Variants in FAM228A observed in about 807,000 individuals in gnomAD.
The protein encoded by FAM228A is protein FAM228A.
In FAM228A, 13 loss-of-function variants were observed where a neutral mutation model predicts 18.6. That is an observed-to-expected ratio of 0.70 (90% CI 0.45 to 1.11). The LOEUF (loss-of-function observed/expected upper bound fraction) is 1.11. Ranked by LOEUF, FAM228A falls within the 50% of genes least tolerant of loss-of-function variation. FAM228A has a pLI of 0.00. For synonymous variants in FAM228A, 77 were observed against 86.6 expected (o/e 0.89, Z 0.61); for missense variants, 240 against 242.2 (o/e 0.99, Z 0.06).
At position 24,190,408 on chromosome 2, in the gene FAM228A, A is replaced by C; in HGVS notation, c.402-4A>C. ...GAGACAATTTTTTCTGCTTTTCTTC[A>C]CAGTCCTGAAAAGCTCATCTATGCA... On this transcript the variant is annotated splice_region_variant and splice_polypyrimidine_tract_variant and intron_variant, in intron 5 of 5. Transcript: ENST00000295150. 1.3e-6 allele frequency: 2 copies of C among 1,590,002 alleles called. No homozygotes were observed. Among genetic ancestry groups the C allele is most frequent in the Non-Finnish European group, 1.7e-6 (2 of 1,171,468 alleles).
chr2:24,186,587 C>T (rs1486710388), intron 5 of FAM228A, among the ~76,000 whole-genome samples: 1 of 151,902 alleles, frequency 6.6e-6, no homozygotes, highest in South Asian at 2.1e-4. Flanking sequence ...AATTTTTATG[C>T]ATTTATTGAT....
intron 4 of FAM228A, 23 bp from the exon 5 acceptor site, chr2:24,183,472 T>C: frequency 6.2e-7 from 1 of 1,608,938 alleles, no homozygotes; most frequent in East Asian, 2.2e-5. Context: ...GAGTGTTGAT[T>C]TCGATTTTTT....
At position 24,177,844 on chromosome 2, in the gene FAM228A, T is replaced by C. The variant is rs775121414; in HGVS notation, c.136T>C (p.Leu46=). Residue 46 remains leucine, a synonymous_variant, in exon 3 of 6, where the codon TTA becomes CTA. Coordinates refer to ENST00000295150, the MANE Select transcript of FAM228A (RefSeq NM_001040710.3). ...EDIDEAVCAI[L]FKENSIVKVT... Reference sequence around the variant, plus strand: ...CATTGATGAAGCAGTATGTGCAATATTATTTAAAGAAAATTCCATTGTGAA... The same window carrying C: ...CATTGATGAAGCAGTATGTGCAATACTATTTAAAGAAAATTCCATTGTGAA... 1.2e-6 allele frequency: 2 copies of C among 1,603,482 alleles called. No individual in the cohort carries two copies. Among genetic ancestry groups the C allele is most frequent in the South Asian group, 2.2e-5 (2 of 90,058 alleles).
chr2:24,191,202 C>CCCTGAGG lies in FAM228A; in HGVS notation c.*580_*586dup, dbSNP rs1278210237. 6.1e-6 allele frequency: 6 copies of CCCTGAGG among 985,498 alleles called. No individual in the cohort carries two copies. The highest frequency in any genetic ancestry group is 5.2e-5 in the African/African-American group (3 of 57,232). 61.0% of individuals were successfully genotyped at this position (985,498 alleles called of 1,614,324 possible). On this transcript the variant is annotated 3_prime_UTR_variant, in exon 6 of 6. Transcript: ENST00000295150. Reference sequence around the variant, plus strand: ...TCCATTCTCTCCGCCACGCCCTGTGCCCTGAGGCCTGAGGCGCAGGACCCT... The same window carrying CCCTGAGG: ...TCCATTCTCTCCGCCACGCCCTGTGCCCTGAGGCCTGAGGCCTGAGGCGCAGGACCCT...
intron 3 of FAM228A, among the ~76,000 whole-genome samples, chr2:24,181,824 TA>T (rs561171129): frequency 4.6e-5 from 7 of 151,732 alleles, no homozygotes; most frequent in African/African-American, 7.3e-5. Flanking sequence ...GTCTATTTAT[TA>T]AAAAAAAATC....
chr2:24,190,898 T>G lies in FAM228A; in HGVS notation c.*267T>G, dbSNP rs565837496. On this transcript the variant is annotated 3_prime_UTR_variant, in exon 6 of 6. Transcript: ENST00000295150. The stretch of plus-strand genomic sequence containing the variant: ...GCCACAGGGGCTTTTCCCCCTGAGA[T>G]TTCTTCAGCGCCTTCGCCCGGGCCT... 223 of 1,170,980 alleles carry G rather than the reference T, an allele frequency of 1.9e-4. 1 individual carries two copies. The African/African-American group carries it at 3.3e-3, about 17-fold the overall frequency. The allele number at this position is 1,170,980 out of a possible 1,614,324, so 72.5% of individuals were successfully genotyped here.
At chr2:24,188,264 T>G (rs1427306377) in intron 5 of FAM228A, among the ~76,000 whole-genome samples, 1 of 152,236 alleles carries the variant, frequency 6.6e-6, no homozygotes, top group Non-Finnish European at 1.5e-5. Context: ...TTTTAATTTT[T>G]ATTTTTAGAG....
intron 5 of FAM228A, among the ~76,000 whole-genome samples, chr2:24,185,023 A>G (rs1667911281): frequency 6.6e-6 from 1 of 152,036 alleles, no homozygotes; most frequent in African/African-American, 2.4e-5. Context: ...GCGTTTCACC[A>G]TGTTGGCCAG....
intron 3 of FAM228A, among the ~76,000 whole-genome samples, chr2:24,181,111 A>G (rs1340693264): frequency 6.6e-6 from 1 of 152,184 alleles, no homozygotes; most frequent in Non-Finnish European, 1.5e-5. Context: ...AAAGTTCTGA[A>G]AGGCCCATGG....
chr2:24,185,015 G>T (rs189578157), intron 5 of FAM228A, among the ~76,000 whole-genome samples: 1 of 152,052 alleles, frequency 6.6e-6, no homozygotes, highest in Admixed American at 6.6e-5. Flanking sequence ...TAGAGATGGC[G>T]TTTCACCATG....
chr2:24,183,362 G>T lies in FAM228A; in HGVS notation c.240G>T (p.Gln80His). Residue 80 changes from glutamine (Q) to histidine (H), a missense_variant, in exon 4 of 6, where the codon CAG becomes CAT. Physicochemically the swap from Gln to His is conservative, Grantham distance 24. Transcript: ENST00000295150. ...EVDEERRTGL[Q>H]CETGKRHSIK... is the part of the protein sequence containing the mutation. ...ATGAAGAGAGGAGAACTGGTCTTCA[G>T]TGTGAGACAGGTGCTTTGTGATCAC... 2 of 1,613,788 alleles carry T rather than the reference G, an allele frequency of 1.2e-6. No individual in the cohort carries two copies. Among genetic ancestry groups the T allele is most frequent in the Non-Finnish European group, 1.7e-6 (2 of 1,179,646 alleles).
Position 24,175,074 on chromosome 2 carries a change from C to A in FAM228A, c.-115C>A. The A allele has an allele frequency of 5.9e-6, 1 of 168,834 alleles. No individual in the cohort carries two copies. The highest frequency in any genetic ancestry group is 1.3e-5 in the Non-Finnish European group (1 of 79,598). 10.5% of individuals were successfully genotyped at this position (168,834 alleles called of 1,614,324 possible). ...GCGCATGCGCCCCGACGCTCGGGCCCGCGGGCTCCTTTCTCCGTCGCCGCT... is the reference window on the plus strand; with the variant it reads ...GCGCATGCGCCCCGACGCTCGGGCCAGCGGGCTCCTTTCTCCGTCGCCGCT... On this transcript the variant is annotated 5_prime_UTR_variant, in exon 1 of 6. Coordinates refer to ENST00000295150, the MANE Select transcript of FAM228A (RefSeq NM_001040710.3).
At position 24,183,541 on chromosome 2, in the gene FAM228A, G is replaced by A. The variant is rs1573805601; in HGVS notation, c.297G>A (p.Arg99=). The A allele has an allele frequency of 1.2e-6, 2 of 1,613,918 alleles. No individual in the cohort carries two copies. The highest frequency in any genetic ancestry group is 1.7e-6 in the Non-Finnish European group (2 of 1,179,890). Residue 99 remains arginine (R), a synonymous_variant, in exon 5 of 6, where the codon AGG becomes AGA. Coordinates refer to ENST00000295150, the MANE Select transcript of FAM228A (RefSeq NM_001040710.3). ...AACTTGAAGAAATAGAGAAGGCCAG[G>A]CTGCATGCCAGCTCGCCCTACTTCA... is the stretch of plus-strand genomic sequence containing the variant. The part of the protein sequence containing the change: ...IKELEEIEKA[R]LHASSPYFTF...
intron 5 of FAM228A, among the ~76,000 whole-genome samples, chr2:24,187,886 T>A (rs1667986903): frequency 6.6e-6 from 1 of 152,214 alleles, no homozygotes; most frequent in African/African-American, 2.4e-5. Context: ...CTCATTGTCT[T>A]TGATTTTTTG....
chr2:24,175,396 C>T (rs1452311028), intron 1 of FAM228A, 71 bp from the exon 2 acceptor site: 1 of 1,112,740 alleles, frequency 9.0e-7, no homozygotes, highest in Non-Finnish European at 1.4e-6. Context: ...TTGAACACTC[C>T]CTGAGCCCAA....
At chr2:24,180,757 A>G (rs77559060) in intron 3 of FAM228A, among the ~76,000 whole-genome samples, 3,184 of 152,264 alleles carry the variant, frequency 0.021, 32 homozygotes, top group South Asian at 0.046. Context: ...CTGTGCTTAG[A>G]GTGGGAAGCA....
At chr2:24,185,295 T>C (rs1380928402) in intron 5 of FAM228A, among the ~76,000 whole-genome samples, 1 of 152,224 alleles carries the variant, frequency 6.6e-6, no homozygotes, top group East Asian at 1.9e-4. Flanking sequence ...TAGACTTTTA[T>C]ACAAATTCAC....
chr2:24,190,633 C>A lies in FAM228A; in HGVS notation c.*2C>A. 2 of 1,533,724 alleles carry A rather than the reference C, an allele frequency of 1.3e-6. No individual in the cohort carries two copies. The highest frequency in any genetic ancestry group is 1.8e-6 in the Non-Finnish European group (2 of 1,141,884). ...CAGCACATACTGGTTCCAGAATGAG[C>A]CACCGCCACAGCCCTCCCTGTCAGA... On this transcript the variant is annotated 3_prime_UTR_variant, in exon 6 of 6. Coordinates refer to ENST00000295150, the MANE Select transcript of FAM228A (RefSeq NM_001040710.3).
At chr2:24,176,680 TTTCTC>T (rs1280044150) in intron 2 of FAM228A, among the ~76,000 whole-genome samples, 5 of 152,258 alleles carry the variant, frequency 3.3e-5, no homozygotes, top group Non-Finnish European at 7.3e-5. Context: ...TTTTTTGAGA[TTTCTC>T]TTATTCACAG....
Sources: allele counts gnomAD v4.1 joint callset (sites outside exome capture counted in the v4.1 genomes callset), GRCh38; gene constraint gnomAD v4.1.1; transcripts MANE v1.5; gene names NCBI Gene and HGNC (gene_info 2026-07-23, HGNC 2026-07-21).